The following GRIN2B variants were observed in gnomAD, a reference collection of about 807,000 sequenced individuals.
GRIN2B encodes glutamate receptor ionotropic, NMDA 2B.
A neutral mutation model predicts 114.5 loss-of-function variants in GRIN2B; 5 were observed. That is an observed-to-expected ratio of 0.04 (90% CI 0.02 to 0.09). The LOEUF (loss-of-function observed/expected upper bound fraction) is 0.09, where lower values mean the gene tolerates loss of function less well. Among genes scored for constraint, GRIN2B ranks in the 10% least tolerant of loss-of-function variants. The pLI is 1.00. For synonymous variants in GRIN2B, 787 were observed against 745.1 expected, an observed-to-expected ratio of 1.06 and a Z score of -0.92; for missense variants, 1,108 against 1,943.5, an observed-to-expected ratio of 0.57 and a Z score of 8.08.
At chr12:13,795,117 T>C (rs1373781931) in intron 3 of GRIN2B, among the ~76,000 whole-genome samples, 1 of 152,124 alleles carries the variant, frequency 6.6e-6, no homozygotes, top group Non-Finnish European at 1.5e-5. Flanking sequence ...CATGACATAA[T>C]TAGAACCAAA....
intron 4 of GRIN2B, among the ~76,000 whole-genome samples, chr12:13,726,229 AT>A (rs60156244): frequency 7.3e-5 from 11 of 151,284 alleles, no homozygotes; most frequent in Admixed American, 2.6e-4. Context: ...AGGGGCCAAT[AT>A]TTTTTTTTAA....
At chr12:13,939,542 G>GC (rs1555159688) in intron 2 of GRIN2B, among the ~76,000 whole-genome samples, 1 of 46,734 alleles carries the variant, frequency 2.1e-5, no homozygotes, top group Non-Finnish European at 4.5e-5. Flanking sequence ...CCTGCACCGT[G>GC]CTTTTTTTTT....
chr12:13,959,812 G>A (rs572602112), intron 2 of GRIN2B, among the ~76,000 whole-genome samples: 1 of 145,518 alleles, frequency 6.9e-6, no homozygotes, highest in Non-Finnish European at 1.5e-5. Context: ...AATATTGGGA[G>A]AACATGCCAG....
intron 2 of GRIN2B, among the ~76,000 whole-genome samples, chr12:13,869,432 G>A (rs1865873647): frequency 6.6e-6 from 1 of 151,762 alleles, no homozygotes; most frequent in Non-Finnish European, 1.5e-5. Flanking sequence ...CCAATACTGA[G>A]TTTCTACCAT....
intron 3 of GRIN2B, among the ~76,000 whole-genome samples, chr12:13,843,827 G>C (rs1366766927): frequency 6.6e-6 from 1 of 152,158 alleles, no homozygotes; most frequent in African/African-American, 2.4e-5. Flanking sequence ...TCTTTGAAAT[G>C]TGTCATGTTA....
intron 2 of GRIN2B, among the ~76,000 whole-genome samples, chr12:13,934,193 T>C (rs926364761): frequency 5.9e-5 from 9 of 152,192 alleles, no homozygotes; most frequent in Admixed American, 1.3e-4. Context: ...TAATACTCCT[T>C]GACAACCCAT....
intron 3 of GRIN2B, among the ~76,000 whole-genome samples, chr12:13,861,154 G>A (rs1565565920): frequency 1.3e-5 from 2 of 152,112 alleles, no homozygotes; most frequent in Non-Finnish European, 2.9e-5. Flanking sequence ...CATTTTCAAA[G>A]CTCATCAGAA....
intron 3 of GRIN2B, among the ~76,000 whole-genome samples, chr12:13,786,346 T>C: frequency 6.6e-6 from 1 of 152,168 alleles, no homozygotes; most frequent in East Asian, 1.9e-4. Context: ...CTGAACTAAA[T>C]GTCCTATATA....
At chr12:13,590,852 G>A (rs1949000308) in intron 10 of GRIN2B, among the ~76,000 whole-genome samples, 1 of 152,202 alleles carries the variant, frequency 6.6e-6, no homozygotes, top group Non-Finnish European at 1.5e-5. Flanking sequence ...CAGTAGTCAG[G>A]TGGAATCATA....
In GRIN2B at chr12:13,557,961, G is replaced by GT. The variant is rs1468804066; in HGVS notation, c.*4821dup. The GT allele has an allele frequency of 6.6e-6, 1 of 152,236 alleles. No homozygotes were observed. The highest frequency in any genetic ancestry group is 2.4e-5 in the African/African-American group (1 of 41,450). 9.4% of individuals were successfully genotyped at this position (152,236 alleles called of 1,614,324 possible). Reference sequence around the variant, plus strand: ...AGCAACAAATCTGTGTGGGAAGGTGGTAGTTGCAGTGGGGTGGGAAATGAA... The same window carrying GT: ...AGCAACAAATCTGTGTGGGAAGGTGGTTAGTTGCAGTGGGGTGGGAAATGAA... On this transcript the variant is annotated 3_prime_UTR_variant, in exon 14 of 14. Transcript: ENST00000609686.
At chr12:13,907,781 T>C (rs1866567648) in intron 2 of GRIN2B, among the ~76,000 whole-genome samples, 2 of 6,520 alleles carry the variant, frequency 3.1e-4, no homozygotes, top group African/African-American at 4.8e-4. Context: ...ATGTTATACC[T>C]CAATTTTTTT....
Position 13,559,616 on chromosome 12 carries a change from G to C in GRIN2B, c.*3167C>G, listed in dbSNP as rs1290770622. ...TTGCTAAGGGAATCATCTCACCACT[G>C]AGTTTCTAGTGGATCCCATCATCTT... is the stretch of plus-strand genomic sequence containing the variant. On this transcript the variant is annotated 3_prime_UTR_variant, in exon 14 of 14. Transcript: ENST00000609686. 1 of 152,176 alleles carries C rather than the reference G, an allele frequency of 6.6e-6. No homozygotes were observed. Among genetic ancestry groups the C allele is most frequent in the Non-Finnish European group, 1.5e-5 (1 of 68,038 alleles). 9.4% of individuals were successfully genotyped at this position (152,176 alleles called of 1,614,324 possible). A position where few individuals can be genotyped will look rare whatever the true frequency, so the allele number is the denominator to read the frequency against.
At chr12:13,742,151 G>T (rs1348024643) in intron 4 of GRIN2B, among the ~76,000 whole-genome samples, 1 of 152,094 alleles carries the variant, frequency 6.6e-6, no homozygotes, top group Non-Finnish European at 1.5e-5. Flanking sequence ...TTGCTATACA[G>T]GGATTTTTAT....
At chr12:13,585,018 G>A (rs1254897632) in intron 10 of GRIN2B, among the ~76,000 whole-genome samples, 4 of 152,184 alleles carry the variant, frequency 2.6e-5, no homozygotes, top group East Asian at 1.9e-4. Context: ...GGCCTTTAAA[G>A]AAGCTTTCAA....
chr12:13,923,693 G>A (rs1007721643), intron 2 of GRIN2B, among the ~76,000 whole-genome samples: 1 of 152,072 alleles, frequency 6.6e-6, no homozygotes, highest in Non-Finnish European at 1.5e-5. Context: ...TGCTCTCTTG[G>A]GTAGAAAGCA....
chr12:13,746,626 A>G (rs939390045), intron 4 of GRIN2B, among the ~76,000 whole-genome samples: 5 of 152,154 alleles, frequency 3.3e-5, no homozygotes, highest in African/African-American at 4.8e-5. Context: ...TTTTTAAAGG[A>G]GTGATACAGT....
At chr12:13,607,046 G>C (rs1426566640) in intron 10 of GRIN2B, among the ~76,000 whole-genome samples, 1 of 147,180 alleles carries the variant, frequency 6.8e-6, no homozygotes, top group Non-Finnish European at 1.5e-5. Context: ...CATCTCCTCA[G>C]TGTGGGTACA....
chr12:13,636,224 G>C (rs892791896), intron 5 of GRIN2B, among the ~76,000 whole-genome samples: 5 of 152,162 alleles, frequency 3.3e-5, no homozygotes, highest in African/African-American at 1.2e-4. Flanking sequence ...TGCTTGGAGT[G>C]TCTAAGGAAT....
At chr12:13,871,028 CATT>C (rs1008178233) in intron 2 of GRIN2B, among the ~76,000 whole-genome samples, 6 of 152,238 alleles carry the variant, frequency 3.9e-5, no homozygotes, top group African/African-American at 9.6e-5. Flanking sequence ...AAGAAGCAAT[CATT>C]ATGAACACAT....
Sources: gnomAD v4.1 joint callset for allele counts (sites outside exome capture counted in the v4.1 genomes callset) on GRCh38, gnomAD v4.1.1 for gene constraint, MANE v1.5 for transcripts, NCBI Gene and HGNC (gene_info 2026-07-23, HGNC 2026-07-21) for gene names.